MRAS: variants seen among roughly 807,000 people sequenced by gnomAD.
MRAS encodes muscle RAS oncogene homolog.
MRAS carries 4 observed loss-of-function variants against 20.9 expected under a neutral mutation model. That is an observed-to-expected ratio of 0.19 (90% confidence interval 0.09 to 0.44). The LOEUF (loss-of-function observed/expected upper bound fraction) is 0.44, where lower values mean the gene tolerates loss of function less well. MRAS is among the 20% of genes least tolerant of loss of function. MRAS has a pLI of 0.99. For synonymous variants in MRAS, 98 were observed against 102.9 expected (o/e 0.95, Z 0.29); for missense variants, 154 against 277.5 (o/e 0.56, Z 3.16).
chr3:138,395,290 G>T (rs1469064088), intron 2 of MRAS, among the ~76,000 whole-genome samples: 1 of 152,032 alleles, frequency 6.6e-6, no homozygotes, highest in Non-Finnish European at 1.5e-5. Flanking sequence ...ACTTGCCTCG[G>T]CCTCCCAAAG....
At position 138,402,919 on chromosome 3, in the gene MRAS, G is replaced by C. The variant is rs2055390417; in HGVS notation, c.*650G>C. The C allele has an allele frequency of 6.6e-6, 1 of 152,566 alleles. No individual in the cohort carries two copies. Among genetic ancestry groups the C allele is most frequent in the South Asian group, 2.1e-4 (1 of 4,832 alleles). The allele number at this position is 152,566 out of a possible 1,614,324, so 9.5% of individuals were successfully genotyped here. ...ATGGGAACTGTAGCTGGAGGCCTCAGGCCATGGGTCAAACCTGGGAGGGAA... is the reference window on the plus strand; with the variant it reads ...ATGGGAACTGTAGCTGGAGGCCTCACGCCATGGGTCAAACCTGGGAGGGAA... On this transcript the variant is annotated 3_prime_UTR_variant, in exon 6 of 6. Coordinates refer to ENST00000423968, the MANE Select transcript of MRAS (RefSeq NM_001085049.3).
intron 2 of MRAS, among the ~76,000 whole-genome samples, chr3:138,385,738 C>T (rs1305658098): frequency 6.6e-6 from 1 of 152,096 alleles, no homozygotes; most frequent in Admixed American, 6.5e-5. Flanking sequence ...TGGTCTCGAA[C>T]TCCTGACCTC....
intron 1 of MRAS, among the ~76,000 whole-genome samples, chr3:138,355,256 C>T (rs898857681): frequency 3.9e-5 from 6 of 152,098 alleles, no homozygotes; most frequent in Non-Finnish European, 8.8e-5. Flanking sequence ...AGGAGTAAGG[C>T]GGCAGAGCCA....
rs149904534 is a variant in MRAS, at chr3:138,400,539, G to A, written c.453G>A (p.Pro151=). 2.1e-3 allele frequency: 3,324 copies of A among 1,611,978 alleles called. 42 individuals are homozygous for A. The highest frequency in any genetic ancestry group is 0.019 in the South Asian group (1,707 of 91,024). The change falls in exon 5 of 6, where the codon CCG becomes CCA. Residue 151 remains proline, a synonymous_variant. Coordinates refer to ENST00000423968, the MANE Select transcript of MRAS (RefSeq NM_001085049.3). ...AGTTGAGCTTTGCCTTCCAGATTCC[G>A]TACATAGAAACCAGTGCCAAGGACC... The part of the protein sequence containing the change: ...GKEMATKHNI[P]YIETSAKDPP...
At chr3:138,401,859 C>T (rs1037837423) in intron 5 of MRAS, among the ~76,000 whole-genome samples, 1 of 152,186 alleles carries the variant, frequency 6.6e-6, no homozygotes, top group Non-Finnish European at 1.5e-5. Context: ...TAAGACAAAA[C>T]GTGATGTAGC....
At chr3:138,383,241 C>A (rs887094557) in intron 2 of MRAS, among the ~76,000 whole-genome samples, 4 of 152,170 alleles carry the variant, frequency 2.6e-5, no homozygotes, top group Non-Finnish European at 5.9e-5. Flanking sequence ...AGGGGGGAAA[C>A]AAGTCACCTT....
intron 1 of MRAS, among the ~76,000 whole-genome samples, chr3:138,358,868 G>C (rs1470682426): frequency 6.6e-6 from 1 of 152,154 alleles, no homozygotes; most frequent in African/African-American, 2.4e-5. Context: ...ATGTGGTCAG[G>C]GCTTAATAAA....
intron 2 of MRAS, among the ~76,000 whole-genome samples, chr3:138,380,790 A>G (rs1239488676): frequency 6.8e-6 from 1 of 146,426 alleles, no homozygotes; most frequent in African/African-American, 2.6e-5. Flanking sequence ...TTTTTTTTTG[A>G]GACGGTGTCT....
chr3:138,347,795 G>A (rs2054149696), upstream of MRAS: 1 of 152,180 alleles, frequency 6.6e-6, no homozygotes, highest in Non-Finnish European at 1.5e-5. Context: ...GTTTCACCAT[G>A]TTGCCTAGGC....
intron 2 of MRAS, among the ~76,000 whole-genome samples, chr3:138,381,291 G>A (rs1018887687): frequency 6.6e-6 from 1 of 152,178 alleles, no homozygotes; most frequent in African/African-American, 2.4e-5. Flanking sequence ...GGGATGGAAG[G>A]CTGCTAAGCC....
At chr3:138,370,449 G>A (rs904437251) in intron 1 of MRAS, among the ~76,000 whole-genome samples, 3 of 152,170 alleles carry the variant, frequency 2.0e-5, no homozygotes, top group Non-Finnish European at 4.4e-5. Flanking sequence ...GCAAAGGAGA[G>A]AGGCCACTGG....
At chr3:138,372,153 A>C (rs1057327299) in intron 1 of MRAS, among the ~76,000 whole-genome samples, 4 of 152,126 alleles carry the variant, frequency 2.6e-5, no homozygotes, top group South Asian at 2.1e-4. Context: ...TTGACAACAA[A>C]AAAAAATATC....
chr3:138,369,198 T>C (rs530004400), intron 1 of MRAS, among the ~76,000 whole-genome samples: 3 of 152,350 alleles, frequency 2.0e-5, no homozygotes. Flanking sequence ...AGTAAGTGTC[T>C]GCCCTGTGCC....
intron 1 of MRAS, among the ~76,000 whole-genome samples, chr3:138,364,369 G>A (rs1415394687): frequency 1.3e-5 from 2 of 152,236 alleles, no homozygotes; most frequent in Non-Finnish European, 2.9e-5. Context: ...CAGTCACTAT[G>A]TGCCAGGTAC....
At chr3:138,370,593 G>A (rs1403326274) in intron 1 of MRAS, among the ~76,000 whole-genome samples, 4 of 152,118 alleles carry the variant, frequency 2.6e-5, no homozygotes, top group Non-Finnish European at 4.4e-5. Flanking sequence ...CGTGTTGTAG[G>A]GAGATGCTGG....
chr3:138,382,270 T>C (rs142299635), intron 2 of MRAS, among the ~76,000 whole-genome samples: 76 of 152,302 alleles, frequency 5.0e-4, no homozygotes, highest in African/African-American at 1.8e-3. Context: ...AGAAAGCCCT[T>C]CCTCACATTG....
At chr3:138,369,699 G>A (rs1203100667) in intron 1 of MRAS, among the ~76,000 whole-genome samples, 2 of 152,144 alleles carry the variant, frequency 1.3e-5, no homozygotes, top group Admixed American at 6.5e-5. Flanking sequence ...AGGGAACCCC[G>A]GCTTGGCTCC....
intron 2 of MRAS, among the ~76,000 whole-genome samples, chr3:138,386,726 G>A (rs1349365861): frequency 6.6e-6 from 1 of 152,084 alleles, no homozygotes; most frequent in Non-Finnish European, 1.5e-5. Context: ...CAGGTGATCT[G>A]CCCGCCTCGG....
At chr3:138,363,834 C>CA (rs1041998433) in intron 1 of MRAS, among the ~76,000 whole-genome samples, 2 of 125,038 alleles carry the variant, frequency 1.6e-5, no homozygotes, top group South Asian at 3.3e-4. Flanking sequence ...CCCCCCCCCC[C>CA]AAACCACAGG....
Sources: allele counts gnomAD v4.1 joint callset (sites outside exome capture counted in the v4.1 genomes callset), GRCh38; gene constraint gnomAD v4.1.1; transcripts MANE v1.5; gene names NCBI Gene and HGNC (gene_info 2026-07-23, HGNC 2026-07-21).